LIPH: variants seen among roughly 807,000 people sequenced by gnomAD.
LIPH encodes lipase member H.
A neutral mutation model predicts 47.6 loss-of-function variants in LIPH; 32 were observed. That is an observed-to-expected ratio of 0.67 (90% CI 0.51 to 0.90). The LOEUF is 0.90. Among genes scored for constraint, LIPH ranks in the 40% least tolerant of loss-of-function variants. The pLI, the probability that LIPH is intolerant of heterozygous loss-of-function variation, is 0.00. For missense variants in LIPH, 497 were observed against 541.4 expected, an observed-to-expected ratio of 0.92 and a Z score of 0.81; for synonymous variants, 190 against 195.6, an observed-to-expected ratio of 0.97 and a Z score of 0.24.
chr3:185,526,620 TA>T (rs869285794), intron 4 of LIPH, among the ~76,000 whole-genome samples: 37 of 18,240 alleles, frequency 2.0e-3, no homozygotes, highest in East Asian at 7.8e-3. Context: ...AATAAAATAA[TA>T]AAATAAAATA....
chr3:185,534,840 A>C lies in LIPH; in HGVS notation c.342T>G (p.Thr114=). 1.9e-6 allele frequency: 3 copies of C among 1,614,086 alleles called. No homozygotes were observed. The highest frequency in any genetic ancestry group is 2.5e-6 in the Non-Finnish European group (3 of 1,179,916). The change falls in exon 2 of 10, where the codon ACT becomes ACG. Residue 114 remains threonine, a synonymous_variant. Coordinates refer to ENST00000296252, the MANE Select transcript of LIPH (RefSeq NM_139248.3). ...VVVDWNRGAT[T]LIYTHASSKT... is the part of the protein sequence containing the mutation. The stretch of plus-strand genomic sequence containing the variant: ...TACTAGAGGCATGGGTATATATTAA[A>C]GTTGTAGCTCCTCGATTCCAATCAA...
chr3:185,548,412 GGA>G (rs1720947912), intron 1 of LIPH, among the ~76,000 whole-genome samples: 1 of 134,386 alleles, frequency 7.4e-6, no homozygotes, highest in African/African-American at 2.7e-5. Context: ...TCACATAAAA[GGA>G]AAAAAAAAAC....
At position 185,506,328 on chromosome 3, in the gene LIPH, C is replaced by T. The variant is rs1043209917; in HGVS notation, c.*2462G>A. 1 of 152,212 alleles carries T rather than the reference C, an allele frequency of 6.6e-6. No individual in the cohort carries two copies. The highest frequency in any genetic ancestry group is 1.5e-5 in the Non-Finnish European group (1 of 68,060). 9.4% of individuals were successfully genotyped at this position (152,212 alleles called of 1,614,324 possible). A position where few individuals can be genotyped will look rare whatever the true frequency, so the allele number is the denominator to read the frequency against. Reference sequence around the variant, plus strand: ...TGAAACTTACTGAAATTCATCTCCTCTCCGGTGAACAAACTTCCTTTCTTT... The same window carrying T: ...TGAAACTTACTGAAATTCATCTCCTTTCCGGTGAACAAACTTCCTTTCTTT... On this transcript the variant is annotated 3_prime_UTR_variant, in exon 10 of 10. Coordinates refer to ENST00000296252, the MANE Select transcript of LIPH (RefSeq NM_139248.3).
At chr3:185,539,609 G>A (rs1002086946) in intron 1 of LIPH, among the ~76,000 whole-genome samples, 10 of 151,862 alleles carry the variant, frequency 6.6e-5, no homozygotes, top group African/African-American at 2.2e-4. Context: ...GACTTCAGGC[G>A]ATCCACCCGC....
intron 1 of LIPH, among the ~76,000 whole-genome samples, chr3:185,537,250 C>G (rs372552346): frequency 6.6e-6 from 1 of 151,942 alleles, no homozygotes; most frequent in African/African-American, 2.4e-5. Context: ...GTTTAGTGCT[C>G]AAAACTGCGG....
chr3:185,508,783 G>A lies in LIPH; in HGVS notation c.*7C>T. ...CTATTATTTATGGCCATGTGTCCTGGCAACAGTTACAACTGCAACTCTGGG... is the reference window on the plus strand; with the variant it reads ...CTATTATTTATGGCCATGTGTCCTGACAACAGTTACAACTGCAACTCTGGG... On this transcript the variant is annotated 3_prime_UTR_variant, in exon 10 of 10. Coordinates refer to ENST00000296252, the MANE Select transcript of LIPH (RefSeq NM_139248.3). 1 of 1,597,994 alleles carries A rather than the reference G, an allele frequency of 6.3e-7. No individual in the cohort carries two copies. Among genetic ancestry groups the A allele is most frequent in the Non-Finnish European group, 8.6e-7 (1 of 1,165,406 alleles).
chr3:185,528,032 G>T (rs2148955149), intron 3 of LIPH, among the ~76,000 whole-genome samples: 2 of 151,738 alleles, frequency 1.3e-5, no homozygotes, highest in South Asian at 4.2e-4. Context: ...AGACCATCCT[G>T]GCCAACATGG....
chr3:185,517,114 G>A lies in LIPH; in HGVS notation c.935C>T (p.Pro312Leu). 1 of 1,612,970 alleles carries A rather than the reference G, an allele frequency of 6.2e-7. No individual in the cohort carries two copies. Among genetic ancestry groups the A allele is most frequent in the South Asian group, 1.1e-5 (1 of 91,036 alleles). Residue 312 changes from proline to leucine, a missense_variant, in exon 7 of 10, where the codon CCA (proline) becomes CTA (leucine). By Grantham distance (98) the Pro-to-Leu change is moderately conservative. Coordinates refer to ENST00000296252, the MANE Select transcript of LIPH (RefSeq NM_139248.3). Reference protein sequence around the residue: ...WKDHLRGKDPPMTKAFFDTAE... With the variant: ...WKDHLRGKDPLMTKAFFDTAE... ...TGTGTCAAAGAATGCCTTCGTCATT[G>A]GAGGATCTTTCCCCCTTAGATGGTC...
chr3:185,532,145 A>G (rs1720349928), intron 3 of LIPH, among the ~76,000 whole-genome samples: 1 of 152,216 alleles, frequency 6.6e-6, no homozygotes, highest in South Asian at 2.1e-4. Flanking sequence ...AACATTTTGC[A>G]TGCAACTTCA....
chr3:185,538,271 A>T (rs1440668749), intron 1 of LIPH, among the ~76,000 whole-genome samples: 3 of 152,230 alleles, frequency 2.0e-5, no homozygotes, highest in Non-Finnish European at 4.4e-5. Flanking sequence ...TGTGCAATTC[A>T]TTCCAAAAGA....
Position 185,534,799 on chromosome 3 carries a change from G to T in LIPH, c.383C>A (p.Ala128Asp). Residue 128 changes from alanine (A) to aspartate (D), a missense_variant, in exon 2 of 10, where the codon GCC (alanine) becomes GAC (aspartate). By Grantham distance (126) the Ala-to-Asp change is moderately radical. Coordinates refer to ENST00000296252, the MANE Select transcript of LIPH (RefSeq NM_139248.3). ...THASSKTRKV[A>D]MVLKEFIDQM... ...GTCAATAAATTCCTTCAAGACCATG[G>T]CTACTTTTCTGGTCTTACTAGAGGC... The T allele has an allele frequency of 6.2e-7, 1 of 1,613,242 alleles. No individual in the cohort carries two copies.
At chr3:185,542,137 CAT>C (rs1425152508) in intron 1 of LIPH, among the ~76,000 whole-genome samples, 3 of 152,114 alleles carry the variant, frequency 2.0e-5, no homozygotes, top group Non-Finnish European at 4.4e-5. Context: ...CATTCATGAA[CAT>C]GTGTAGAGTG....
chr3:185,528,224 G>GAA (rs1036681450), intron 3 of LIPH, among the ~76,000 whole-genome samples: 2 of 15,988 alleles, frequency 1.3e-4, no homozygotes, highest in Admixed American at 5.7e-4. Context: ...AAGAAAGAAA[G>GAA]AGAGAGAGAG....
chr3:185,515,300 GT>G (rs35978978), intron 7 of LIPH, among the ~76,000 whole-genome samples: 19 of 150,774 alleles, frequency 1.3e-4, no homozygotes, highest in African/African-American at 3.9e-4. Flanking sequence ...TGTCTTATGG[GT>G]TTTTTTAAAA....
intron 1 of LIPH, among the ~76,000 whole-genome samples, chr3:185,538,908 CACAT>C (rs1720608209): frequency 3.4e-5 from 2 of 59,208 alleles, no homozygotes; most frequent in African/African-American, 1.2e-4. Context: ...TACACATATA[CACAT>C]ATATACACAT....
chr3:185,537,952 G>A (rs1243793956), intron 1 of LIPH, among the ~76,000 whole-genome samples: 1 of 152,042 alleles, frequency 6.6e-6, no homozygotes, highest in Admixed American at 6.6e-5. Flanking sequence ...GGCTACAGGT[G>A]CACATCACCA....
intron 1 of LIPH, among the ~76,000 whole-genome samples, chr3:185,539,455 G>A (rs577831864): frequency 9.9e-4 from 125 of 126,216 alleles, no homozygotes; most frequent in South Asian, 3.9e-3. Flanking sequence ...CTGCAACATC[G>A]GCCCCCCCGG....
Position 185,530,869 on chromosome 3 carries a change from A to T in LIPH, c.526+2702T>A, listed in dbSNP as rs111470530. Among the ~76,000 whole-genome samples the T allele has an allele frequency of 9.7e-3, 1,484 of 152,210 alleles. 28 individuals are homozygous for T. The highest frequency in any genetic ancestry group is 0.034 in the African/African-American group (1,412 of 41,510). On this transcript the variant is annotated intron_variant, in intron 3 of 9. Transcript: ENST00000296252. Reference sequence around the variant, plus strand: ...GGTAACAAAGTAAGACCCTGTCTCAAAAATAAATAAATAAATAAAATTAAT... The same window carrying T: ...GGTAACAAAGTAAGACCCTGTCTCATAAATAAATAAATAAATAAAATTAAT...
intron 3 of LIPH, among the ~76,000 whole-genome samples, chr3:185,529,241 A>C (rs1323745279): frequency 1.3e-5 from 2 of 149,046 alleles, no homozygotes; most frequent in Non-Finnish European, 3.0e-5. Flanking sequence ...AAAAATCAGC[A>C]GCTCCAAAAG....
Sources: gnomAD v4.1 joint callset for allele counts (sites outside exome capture counted in the v4.1 genomes callset) on GRCh38, gnomAD v4.1.1 for gene constraint, MANE v1.5 for transcripts, NCBI Gene and HGNC (gene_info 2026-07-23, HGNC 2026-07-21) for gene names.